Variants in FRMD4B observed in about 807,000 individuals in gnomAD.
FRMD4B encodes the protein FERM domain containing 4B, also known as FERM domain-containing protein 4B.
A neutral mutation model predicts 141.5 loss-of-function variants in FRMD4B; 74 were observed. The ratio of observed to expected loss-of-function variants is 0.52; its 90% CI spans 0.43 to 0.63. The LOEUF (loss-of-function observed/expected upper bound fraction) is 0.63. FRMD4B is among the 30% of genes least tolerant of loss of function. The probability of loss-of-function intolerance (pLI) is 0.00; values close to 1 mark genes in which losing one functional copy is unlikely to be tolerated. For synonymous variants in FRMD4B, 506 were observed against 467.9 expected (o/e 1.08, Z -1.05); for missense variants, 1,366 against 1,253.4 (o/e 1.09, Z -1.36).
intron 5 of FRMD4B, among the ~76,000 whole-genome samples, chr3:69,281,023 T>G (rs1249405616): frequency 6.6e-6 from 1 of 152,106 alleles, no homozygotes; most frequent in Non-Finnish European, 1.5e-5. Flanking sequence ...CTCTGCCTCC[T>G]GAGTTCAAGC....
chr3:69,480,101 C>G (rs1034034663), intron 1 of FRMD4B, among the ~76,000 whole-genome samples: 1 of 152,166 alleles, frequency 6.6e-6, no homozygotes, highest in African/African-American at 2.4e-5. Flanking sequence ...TCTAGTTATA[C>G]ATTCGTCTAA....
At chr3:69,328,190 C>A (rs201073694) in intron 1 of FRMD4B, among the ~76,000 whole-genome samples, 1 of 148,994 alleles carries the variant, frequency 6.7e-6, no homozygotes, top group African/African-American at 2.6e-5. Flanking sequence ...CTAATATGAA[C>A]TTACAATGAA....
intron 1 of FRMD4B, among the ~76,000 whole-genome samples, chr3:69,478,251 T>C (rs911640144): frequency 6.6e-6 from 1 of 152,176 alleles, no homozygotes; most frequent in Non-Finnish European, 1.5e-5. Context: ...TGCTAGCTTT[T>C]GAATGTGTTT....
At chr3:69,305,320 T>C (rs1418992866) in intron 3 of FRMD4B, among the ~76,000 whole-genome samples, 3 of 152,184 alleles carry the variant, frequency 2.0e-5, no homozygotes, top group Middle Eastern at 3.4e-3. Context: ...CTGATACCTG[T>C]TTCCAGCTTT....
At chr3:69,344,581 T>C (rs1471961756) in intron 1 of FRMD4B, among the ~76,000 whole-genome samples, 2 of 152,188 alleles carry the variant, frequency 1.3e-5, no homozygotes, top group Non-Finnish European at 1.5e-5. Context: ...ACCACATAGC[T>C]TGTCAGTAAG....
intron 2 of FRMD4B, among the ~76,000 whole-genome samples, chr3:69,407,163 G>A (rs1031829169): frequency 1.3e-5 from 2 of 152,020 alleles, no homozygotes; most frequent in African/African-American, 2.4e-5. Context: ...GGAAGAAAGT[G>A]GTAATATAGA....
At chr3:69,476,457 A>G (rs369055119) in intron 1 of FRMD4B, among the ~76,000 whole-genome samples, 15 of 152,058 alleles carry the variant, frequency 9.9e-5, no homozygotes, top group Admixed American at 3.3e-4. Context: ...TTATTAAATA[A>G]GGAATCCTTT....
intron 11 of FRMD4B, among the ~76,000 whole-genome samples, chr3:69,205,095 A>C (rs1397858998): frequency 1.3e-5 from 2 of 149,346 alleles, no homozygotes; most frequent in African/African-American, 4.9e-5. Context: ...AAAAAAGAGT[A>C]ATTCTTATTT....
intron 21 of FRMD4B, among the ~76,000 whole-genome samples, chr3:69,177,722 A>T (rs1212548273): frequency 1.3e-5 from 2 of 152,214 alleles, no homozygotes; most frequent in African/African-American, 4.8e-5. Context: ...AACAATTCTC[A>T]TATATTGCGA....
At chr3:69,256,774 A>T (rs2106824716) in intron 5 of FRMD4B, among the ~76,000 whole-genome samples, 1 of 152,246 alleles carries the variant, frequency 6.6e-6, no homozygotes, top group South Asian at 2.1e-4. Context: ...GCCCCCTAGA[A>T]AGCCAGGCCA....
At position 69,208,568 on chromosome 3, in the gene FRMD4B, A is replaced by G. The variant is rs1440180049; in HGVS notation, c.876+7695T>C. 2.0e-5 allele frequency among the ~76,000 whole-genome samples: 3 copies of G among 151,222 alleles called. No individual in the cohort carries two copies. The East Asian group carries it at 5.8e-4, about 29-fold the overall frequency. On this transcript the variant is annotated intron_variant, in intron 11 of 22. Coordinates refer to ENST00000398540, the MANE Select transcript of FRMD4B (RefSeq NM_015123.3). ...CCCTGTTCTTTGATGAGAACAAGCC[A>G]TACTGTTCTTTATGAGCTTTCTGCC...
At chr3:69,238,706 C>T (rs1003055729) in intron 7 of FRMD4B, among the ~76,000 whole-genome samples, 4 of 152,120 alleles carry the variant, frequency 2.6e-5, no homozygotes, top group African/African-American at 9.7e-5. Context: ...TCACTTATGC[C>T]CAGGGGGCAC....
At chr3:69,189,984 T>C (rs1027608123) in intron 17 of FRMD4B, 32 bp from the exon 18 acceptor site, 2 of 1,327,870 alleles carry the variant, frequency 1.5e-6, no homozygotes, top group East Asian at 2.3e-5. Flanking sequence ...TTTAGTACAA[T>C]TGTGCATTTA....
intron 1 of FRMD4B, among the ~76,000 whole-genome samples, chr3:69,339,028 T>C (rs1462469634): frequency 6.6e-6 from 1 of 152,128 alleles, no homozygotes; most frequent in Non-Finnish European, 1.5e-5. Context: ...TCCCCCGCCA[T>C]TTGCTTTATA....
chr3:69,340,361 T>C lies in FRMD4B; in HGVS notation c.163-26844A>G, dbSNP rs1467329109. 2.0e-5 allele frequency among the ~76,000 whole-genome samples: 3 copies of C among 152,160 alleles called. No individual in the cohort carries two copies. In the East Asian group the frequency reaches 5.8e-4, roughly 29 times the overall value. On this transcript the variant is annotated intron_variant, in intron 1 of 22. Transcript: ENST00000398540. ...CCTTGGTGTCTGTTGTTCCTCTCTT[T>C]GTGTCCATGTGTTCTCATTATTTAG...
Position 69,230,762 on chromosome 3 carries a change from AT to A in FRMD4B, c.582-6073del, listed in dbSNP as rs112159996. Among the ~76,000 whole-genome samples, 273 of 152,004 alleles carry A rather than the reference AT, an allele frequency of 1.8e-3. 1 individual carries two copies. The highest frequency in any genetic ancestry group is 6.2e-3 in the African/African-American group (256 of 41,368). On this transcript the variant is annotated intron_variant, in intron 7 of 22. Coordinates refer to ENST00000398540, the MANE Select transcript of FRMD4B (RefSeq NM_015123.3). ...GACTCTGCCTCGAAAAAAAAAAAAA[AT>A]TTACACTAACATTGTTCACACAAAA...
intron 5 of FRMD4B, among the ~76,000 whole-genome samples, chr3:69,258,118 C>T (rs377468527): frequency 3.2e-4 from 49 of 151,976 alleles, no homozygotes; most frequent in African/African-American, 1.1e-3. Context: ...TGTGAGCCAC[C>T]GTGCCTGGCC....
intron 7 of FRMD4B, among the ~76,000 whole-genome samples, chr3:69,247,144 G>A (rs970918625): frequency 2.0e-5 from 3 of 152,150 alleles, no homozygotes; most frequent in Non-Finnish European, 4.4e-5. Flanking sequence ...GCCCAAGGGT[G>A]TAGATTACTT....
intron 1 of FRMD4B, among the ~76,000 whole-genome samples, chr3:69,381,156 T>A (rs938074773): frequency 2.0e-5 from 3 of 152,250 alleles, no homozygotes; most frequent in African/African-American, 7.2e-5. Context: ...AGCCTGCTTT[T>A]TATTTAGTCT....
Sources: allele counts gnomAD v4.1 joint callset (sites outside exome capture counted in the v4.1 genomes callset), GRCh38; gene constraint gnomAD v4.1.1; transcripts MANE v1.5; gene names NCBI Gene and HGNC (gene_info 2026-07-23, HGNC 2026-07-21).